Variants in IVD observed in about 807,000 individuals in gnomAD.
IVD encodes isovaleryl-CoA dehydrogenase.
Under a neutral mutation model 51.3 loss-of-function variants are expected in IVD, and 31 were observed. The observed-to-expected ratio is 0.60, with a 90% CI of 0.45 to 0.81. The LOEUF (loss-of-function observed/expected upper bound fraction) is 0.81, where lower values mean the gene tolerates loss of function less well. IVD is among the 40% of genes least tolerant of loss of function. IVD has a pLI of 0.00. For missense variants in IVD, 475 were observed against 552.0 expected, an observed-to-expected ratio of 0.86 and a Z score of 1.40; for synonymous variants, 205 against 219.4, an observed-to-expected ratio of 0.93 and a Z score of 0.58.
rs542837900 is a variant in IVD, at chr15:40,412,711, AG to A, written c.688-274del. On this transcript the variant is annotated intron_variant, in intron 6 of 11. Coordinates refer to ENST00000487418, the MANE Select transcript of IVD (RefSeq NM_002225.5). ...TCCCCTGGGGGAGGGAAATAAGGCC[AG>A]GGGGGTCGGGAGGGCTCAGGGAACT... 2.9e-4 allele frequency: 127 copies of A among 436,846 alleles called. 4 individuals are homozygous for A. Among genetic ancestry groups the A allele is most frequent in the South Asian group, 2.6e-3 (123 of 47,364 alleles). The allele number at this position is 436,846 out of a possible 1,614,324, so 27.1% of individuals were successfully genotyped here.
chr15:40,417,159 G>A (rs1220735652), intron 11 of IVD, among the ~76,000 whole-genome samples: 2 of 143,442 alleles, frequency 1.4e-5, no homozygotes, highest in Non-Finnish European at 3.0e-5. Flanking sequence ...ACCGGAGATC[G>A]CGCCATTGCA....
downstream of IVD, among the ~76,000 whole-genome samples, chr15:40,427,540 GTCTT>G (rs979257090): frequency 2.0e-5 from 3 of 152,224 alleles, no homozygotes; most frequent in African/African-American, 7.2e-5. Context: ...CTCCCGCAAA[GTCTT>G]TCTATTTACA....
downstream of IVD, among the ~76,000 whole-genome samples, chr15:40,427,625 G>A (rs1207356274): frequency 1.3e-5 from 2 of 152,192 alleles, no homozygotes; most frequent in African/African-American, 4.8e-5. Context: ...CCAGGGCTGG[G>A]CATACAGTGG....
intron 6 of IVD, 76 bp downstream of exon 6, chr15:40,411,767 C>T: frequency 9.9e-6 from 15 of 1,509,996 alleles, no homozygotes; most frequent in Non-Finnish European, 4.6e-6. Flanking sequence ...GTTCACTGAT[C>T]TCAAATGGAA....
At chr15:40,429,072 C>T (rs558050763), downstream of IVD, among the ~76,000 whole-genome samples, 392 of 152,306 alleles carry the variant, frequency 2.6e-3, 1 homozygote, top group African/African-American at 9.0e-3. Flanking sequence ...CATCCCTCCG[C>T]CCAGCCTGCC....
chr15:40,409,345 G>C (rs1268091958), intron 3 of IVD, among the ~76,000 whole-genome samples: 1 of 151,796 alleles, frequency 6.6e-6, no homozygotes, highest in Non-Finnish European at 1.5e-5. Context: ...AGGCTGCAAT[G>C]AGCCATGGTT....
At chr15:40,411,184 G>A (rs2141327688) in intron 4 of IVD, 76 bp from the exon 5 acceptor site, 1 of 1,382,902 alleles carries the variant, frequency 7.2e-7, no homozygotes, top group Non-Finnish European at 1.0e-6. Context: ...AATGTGGACA[G>A]GAAGAGGCAG....
chr15:40,410,153 G>C (rs1890909304), intron 3 of IVD, among the ~76,000 whole-genome samples: 1 of 152,082 alleles, frequency 6.6e-6, no homozygotes, highest in Non-Finnish European at 1.5e-5. Flanking sequence ...TGCTTCTTTG[G>C]GTTCAGCCCT....
At position 40,405,840 on chromosome 15, in the gene IVD, A is replaced by G. The variant is rs1429375102; in HGVS notation, c.13A>G (p.Thr5Ala). MATA[T>A]RLLGWRVASW... is the part of the protein sequence containing the mutation. ...GTGCATGGCAGAGATGGCGACTGCGACTCGGCTGCTGGGGTGGCGTGTGGC... is the reference window on the plus strand; with the variant it reads ...GTGCATGGCAGAGATGGCGACTGCGGCTCGGCTGCTGGGGTGGCGTGTGGC... Residue 5 changes from threonine to alanine, a missense_variant, in exon 1 of 12, where the codon ACT becomes GCT. Thr to Ala is a moderately conservative substitution (Grantham distance 58). Coordinates refer to ENST00000487418, the MANE Select transcript of IVD (RefSeq NM_002225.5). 6.2e-7 allele frequency: 1 copy of G among 1,611,836 alleles called. No homozygotes were observed. The highest frequency in any genetic ancestry group is 1.3e-5 in the African/African-American group (1 of 74,814).
chr15:40,418,695 A>G lies in IVD; in HGVS notation c.*432A>G. ...CAAGGAGATCTCTCTGCTCAAGCAC[A>G]GCAGAATCATGGCCCCTCTCCATGA... On this transcript the variant is annotated 3_prime_UTR_variant, in exon 12 of 12. Transcript: ENST00000487418. The G allele has an allele frequency of 9.8e-6, 11 of 1,126,178 alleles. No homozygotes were observed. The highest frequency in any genetic ancestry group is 1.2e-5 in the Non-Finnish European group (11 of 912,802). 69.8% of individuals were successfully genotyped at this position (1,126,178 alleles called of 1,614,324 possible). A position where few individuals can be genotyped will look rare whatever the true frequency, so the allele number is the denominator to read the frequency against.
In IVD at chr15:40,418,743, G is replaced by A. The variant is rs1205723608; in HGVS notation, c.*480G>A. On this transcript the variant is annotated 3_prime_UTR_variant, in exon 12 of 12. Coordinates refer to ENST00000487418, the MANE Select transcript of IVD (RefSeq NM_002225.5). ...TGAATTGGAACTTGGTACAGGTTAAGTATCCCTAATCCTGAAATCTGAAAC... is the reference window on the plus strand; with the variant it reads ...TGAATTGGAACTTGGTACAGGTTAAATATCCCTAATCCTGAAATCTGAAAC... 3 of 1,105,134 alleles carry A rather than the reference G, an allele frequency of 2.7e-6. No individual in the cohort carries two copies. The highest frequency in any genetic ancestry group is 3.3e-6 in the Non-Finnish European group (3 of 901,210). 68.5% of individuals were successfully genotyped at this position (1,105,134 alleles called of 1,614,324 possible). A position where few individuals can be genotyped will look rare whatever the true frequency, so the allele number is the denominator to read the frequency against.
At chr15:40,423,482 C>T (rs1055428824), downstream of IVD, among the ~76,000 whole-genome samples, 6 of 152,204 alleles carry the variant, frequency 3.9e-5, no homozygotes, top group East Asian at 1.9e-4. Context: ...GTTTTTAAGA[C>T]GGAATCTTGC....
rs190095039 is a variant in IVD, at chr15:40,416,446, G to A, written c.1138+84G>A. 2,652 of 1,265,734 alleles carry A rather than the reference G, an allele frequency of 2.1e-3. 12 individuals carry two copies. The highest frequency in any genetic ancestry group is 6.8e-3 in the Middle Eastern group (26 of 3,834). 78.4% of individuals were successfully genotyped at this position (1,265,734 alleles called of 1,614,324 possible). A position where few individuals can be genotyped will look rare whatever the true frequency, so the allele number is the denominator to read the frequency against. ...TTCAGAAAGCAGTTTCAGGGCGGGCGTGGTGGCTCACACCTATAATCCCAG... is the reference window on the plus strand; with the variant it reads ...TTCAGAAAGCAGTTTCAGGGCGGGCATGGTGGCTCACACCTATAATCCCAG... On this transcript the variant is annotated intron_variant, in intron 11 of 11. Transcript: ENST00000487418.
At chr15:40,406,920 A>G (rs1245153484) in intron 1 of IVD, among the ~76,000 whole-genome samples, 1 of 149,492 alleles carries the variant, frequency 6.7e-6, no homozygotes, top group East Asian at 2.0e-4. Flanking sequence ...CTGGAGTGTA[A>G]TGGCGCGATC....
downstream of IVD, among the ~76,000 whole-genome samples, chr15:40,428,953 C>T (rs1472054873): frequency 6.6e-6 from 1 of 152,164 alleles, no homozygotes; most frequent in African/African-American, 2.4e-5. Context: ...GTAATGAGGA[C>T]CCAGCCCGGT....
chr15:40,416,055 C>A, intron 9 of IVD, 23 bp from the exon 10 acceptor site: 2 of 1,609,994 alleles, frequency 1.2e-6, no homozygotes, highest in South Asian at 1.1e-5. Flanking sequence ...GCATGTTGAC[C>A]TGTGACATCC....
At chr15:40,408,949 CA>C (rs1238943293) in intron 3 of IVD, among the ~76,000 whole-genome samples, 4 of 143,776 alleles carry the variant, frequency 2.8e-5, no homozygotes, top group South Asian at 2.2e-4. Context: ...AACTCCGTTT[CA>C]AAAAAAAAAG....
At chr15:40,411,224 G>A in intron 4 of IVD, 36 bp from the exon 5 acceptor site, 1 of 1,601,814 alleles carries the variant, frequency 6.2e-7, no homozygotes, top group South Asian at 1.1e-5. Context: ...GGTACTCTGA[G>A]GTTGTAACAA....
At chr15:40,422,676 T>G (rs1361787163), downstream of IVD, among the ~76,000 whole-genome samples, 3 of 140,090 alleles carry the variant, frequency 2.1e-5, no homozygotes, top group African/African-American at 8.2e-5. Context: ...CCCAGCTCAC[T>G]GCAACCTCCA....
Sources: gnomAD v4.1 joint callset for allele counts (sites outside exome capture counted in the v4.1 genomes callset) on GRCh38, gnomAD v4.1.1 for gene constraint, MANE v1.5 for transcripts, NCBI Gene and HGNC (gene_info 2026-07-23, HGNC 2026-07-21) for gene names.